Variants in CALM2 observed in about 807,000 individuals in gnomAD.
CALM2 encodes calmodulin 2, also known as calmodulin-2.
Under a neutral mutation model 19.8 loss-of-function variants are expected in CALM2, and 2 were observed. The ratio of observed to expected loss-of-function variants is 0.10; its 90% CI spans 0.04 to 0.32. CALM2 has a LOEUF of 0.32. Among genes scored for constraint, CALM2 ranks in the 10% least tolerant of loss-of-function variants. The probability of loss-of-function intolerance (pLI) is 1.00; values close to 1 mark genes in which losing one functional copy is unlikely to be tolerated. For missense variants in CALM2, 38 were observed against 178.7 expected (o/e 0.21, Z 4.49); for synonymous variants, 51 against 52.1 (o/e 0.98, Z 0.09).
chr2:47,165,814 C>T (rs995486224), intron 2 of CALM2, among the ~76,000 whole-genome samples: 2 of 152,310 alleles, frequency 1.3e-5, no homozygotes, highest in African/African-American at 4.8e-5. Flanking sequence ...TCCCAGGCAA[C>T]CCTAAAGGTA....
chr2:47,174,802 T>A (rs1396080350), intron 1 of CALM2, among the ~76,000 whole-genome samples: 1 of 152,306 alleles, frequency 6.6e-6, no homozygotes, highest in Non-Finnish European at 1.5e-5. Context: ...CATATGCCTG[T>A]AACTACATCT....
intron 1 of CALM2, 161 bp from the exon 2 acceptor site, chr2:47,170,925 T>C (rs564103976): frequency 9.2e-6 from 6 of 649,264 alleles, no homozygotes; most frequent in African/African-American, 1.8e-5. Context: ...GTTTCTCTTA[T>C]CTTCAAAGCT....
At chr2:47,165,809 G>C (rs11676526) in intron 2 of CALM2, among the ~76,000 whole-genome samples, 8,324 of 152,120 alleles carry the variant, frequency 0.055, 303 homozygotes, top group Non-Finnish European at 0.081. Flanking sequence ...TATACTCCCA[G>C]GCAACCCTAA....
intron 2 of CALM2, among the ~76,000 whole-genome samples, chr2:47,168,770 C>T (rs904193667): frequency 8.7e-5 from 9 of 103,614 alleles, no homozygotes; most frequent in African/African-American, 3.5e-4. Flanking sequence ...CTCTTATATT[C>T]AATAGACACA....
At position 47,176,315 on chromosome 2, in the gene CALM2, G is replaced by A. The variant is rs551944803; in HGVS notation, c.3+126C>T. 4.5e-5 allele frequency: 54 copies of A among 1,193,730 alleles called. No individual in the cohort carries two copies. The South Asian group carries it at 7.6e-4, about 17-fold the overall frequency. The allele number at this position is 1,193,730 out of a possible 1,614,324, so 73.9% of individuals were successfully genotyped here. ...GTCGCCGGCATCCCTGGCCTCTTTC[G>A]CGCCATCCCTCTGGCAGAAACCACT... On this transcript the variant is annotated intron_variant, in intron 1 of 5. Transcript: ENST00000272298.
At position 47,162,245 on chromosome 2, in the gene CALM2, A is replaced by C. The variant is rs575926773; in HGVS notation, c.285+41T>G. 1.4e-4 allele frequency: 159 copies of C among 1,131,604 alleles called. 3 individuals carry two copies. The South Asian group carries it at 2.2e-3, about 16-fold the overall frequency. 70.1% of individuals were successfully genotyped at this position (1,131,604 alleles called of 1,614,324 possible). A position where few individuals can be genotyped will look rare whatever the true frequency, so the allele number is the denominator to read the frequency against. ...CTTCATAATGAGTCCTGGTATCTTC[A>C]TTTCATCCTCAAAATTTAACATATC... is the stretch of plus-strand genomic sequence containing the variant. On this transcript the variant is annotated intron_variant, in intron 4 of 5. Coordinates refer to ENST00000272298, the MANE Select transcript of CALM2 (RefSeq NM_001743.6).
chr2:47,165,688 C>T (rs186536894), intron 2 of CALM2, among the ~76,000 whole-genome samples: 38 of 152,230 alleles, frequency 2.5e-4, no homozygotes, highest in Middle Eastern at 3.4e-3. Flanking sequence ...CCACTTACAA[C>T]GAAGATATCT....
Position 47,160,679 on chromosome 2 carries a change from G to T in CALM2, c.*97C>A. ...AATTACTATACATGCATATTTTTTT[G>T]ACAGTAGGGAGAAACCTTTTACAGA... On this transcript the variant is annotated 3_prime_UTR_variant, in exon 6 of 6. Transcript: ENST00000272298. The T allele has an allele frequency of 3.1e-6, 2 of 640,232 alleles. No individual in the cohort carries two copies. Among genetic ancestry groups the T allele is most frequent in the East Asian group, 3.0e-5 (1 of 33,748 alleles). 39.7% of individuals were successfully genotyped at this position (640,232 alleles called of 1,614,324 possible). A position where few individuals can be genotyped will look rare whatever the true frequency, so the allele number is the denominator to read the frequency against.
chr2:47,163,222 T>TA (rs1687210003), intron 2 of CALM2: 1 of 152,566 alleles, frequency 6.6e-6, no homozygotes, highest in African/African-American at 2.4e-5. Context: ...TAAAACAGGC[T>TA]ACTTTCCCTT....
chr2:47,170,581 G>C (rs1469974762), intron 2 of CALM2, among the ~76,000 whole-genome samples, 153 bp downstream of exon 2: 1 of 152,170 alleles, frequency 6.6e-6, no homozygotes, highest in Non-Finnish European at 1.5e-5. Flanking sequence ...ACTTGCCAAA[G>C]CAGGTTGAAT....
At chr2:47,174,750 T>C (rs926761102) in intron 1 of CALM2, among the ~76,000 whole-genome samples, 6 of 151,966 alleles carry the variant, frequency 3.9e-5, no homozygotes, top group African/African-American at 4.8e-5. Context: ...CCTTCGTTTA[T>C]TTAAAAAAAA....
At chr2:47,172,865 G>A in intron 1 of CALM2, 1 of 148,646 alleles carries the variant, frequency 6.7e-6, no homozygotes, top group Non-Finnish European at 1.5e-5. Context: ...TATGAAACAT[G>A]AGAAGCCTTA....
Position 47,161,784 on chromosome 2 carries a change from T to C in CALM2, c.360A>G (p.Glu120=). 1 of 1,613,308 alleles carries C rather than the reference T, an allele frequency of 6.2e-7. No homozygotes were observed. The highest frequency in any genetic ancestry group is 8.5e-7 in the Non-Finnish European group (1 of 1,179,518). The change falls in exon 5 of 6, where the codon GAA becomes GAG. Residue 120 remains glutamate, a synonymous_variant. Coordinates refer to ENST00000272298, the MANE Select transcript of CALM2 (RefSeq NM_001743.6). ...MTNLGEKLTD[E]EVDEMIREAD... ...CTTCCCTGATCATTTCATCAACTTC[T>C]TCATCTGTTAACTTCTCTCCAAGGT...
At chr2:47,176,349 G>A (rs898838822) in intron 1 of CALM2, 92 bp downstream of exon 1, 2 of 1,489,168 alleles carry the variant, frequency 1.3e-6, no homozygotes, top group African/African-American at 2.8e-5. Context: ...CTCCTTGAAG[G>A]TGTAAGGGAG....
At chr2:47,172,226 C>A in intron 1 of CALM2, 1 of 303,546 alleles carries the variant, frequency 3.3e-6, no homozygotes. Context: ...CAGTTTATTG[C>A]ATTTTGCAGG....
intron 2 of CALM2, among the ~76,000 whole-genome samples, chr2:47,165,782 C>T (rs1014932105): frequency 1.1e-4 from 16 of 152,266 alleles, no homozygotes; most frequent in African/African-American, 3.9e-4. Context: ...ACAAGCAAAA[C>T]ATATGAAAAT....
rs1452288650 is a variant in CALM2, at chr2:47,170,714, T to C, written c.34+20A>G. ...TATAATAAGAATCTAATGGGTACAATCTAGCTGAGTATTTCTCACCTGCAA... is the reference window on the plus strand; with the variant it reads ...TATAATAAGAATCTAATGGGTACAACCTAGCTGAGTATTTCTCACCTGCAA... On this transcript the variant is annotated intron_variant, in intron 2 of 5. Coordinates refer to ENST00000272298, the MANE Select transcript of CALM2 (RefSeq NM_001743.6). 1 of 1,598,262 alleles carries C rather than the reference T, an allele frequency of 6.3e-7. No homozygotes were observed. Among genetic ancestry groups the C allele is most frequent in the East Asian group, 2.2e-5 (1 of 44,788 alleles).
At chr2:47,168,472 T>A (rs899447022) in intron 2 of CALM2, among the ~76,000 whole-genome samples, 4 of 152,098 alleles carry the variant, frequency 2.6e-5, no homozygotes, top group African/African-American at 9.7e-5. Flanking sequence ...GGCATGGTGA[T>A]TCACACCTGT....
At chr2:47,176,914 C>G (rs759389503), upstream of CALM2, 8 of 985,298 alleles carry the variant, frequency 8.1e-6, no homozygotes, top group African/African-American at 7.0e-5. Flanking sequence ...CGTTGCTGCT[C>G]GGGCCGCGCT....
Sources: gnomAD v4.1 joint callset for allele counts (sites outside exome capture counted in the v4.1 genomes callset) on GRCh38, gnomAD v4.1.1 for gene constraint, MANE v1.5 for transcripts, NCBI Gene and HGNC (gene_info 2026-07-23, HGNC 2026-07-21) for gene names.